The following SAMD4B variants were observed in gnomAD, a reference collection of about 807,000 sequenced individuals.
SAMD4B encodes sterile alpha motif domain containing 4B.
A neutral mutation model predicts 74.5 loss-of-function variants in SAMD4B; 5 were observed. The ratio of observed to expected loss-of-function variants is 0.07; its 90% CI spans 0.04 to 0.14. SAMD4B has a LOEUF of 0.14. Among genes scored for constraint, SAMD4B ranks in the 10% least tolerant of loss-of-function variants. SAMD4B has a pLI of 1.00. For synonymous variants in SAMD4B, 373 were observed against 374.9 expected (o/e 1.00, Z 0.06); for missense variants, 608 against 921.8 (o/e 0.66, Z 4.41).
Position 39,385,451 on chromosome 19 carries a change from G to A in SAMD4B, c.*1924G>A. The A allele has an allele frequency of 4.6e-6, 2 of 430,244 alleles. No homozygotes were observed. Among genetic ancestry groups the A allele is most frequent in the Non-Finnish European group, 8.2e-6 (2 of 243,958 alleles). 26.7% of individuals were successfully genotyped at this position (430,244 alleles called of 1,614,324 possible). On this transcript the variant is annotated 3_prime_UTR_variant, in exon 14 of 14. Coordinates refer to ENST00000610417, the MANE Select transcript of SAMD4B (RefSeq NM_001384574.2). Reference sequence around the variant, plus strand: ...CCCCCACCCCACCTGACAGCAGAGTGTGCAGGACGCAGGCGGCCCCACTCT... The same window carrying A: ...CCCCCACCCCACCTGACAGCAGAGTATGCAGGACGCAGGCGGCCCCACTCT...
In SAMD4B at chr19:39,375,702, C is replaced by G. The variant is rs540301984; in HGVS notation, c.720C>G (p.Ile240Met). 1 of 1,613,964 alleles carries G rather than the reference C, an allele frequency of 6.2e-7. No individual in the cohort carries two copies. The highest frequency in any genetic ancestry group is 8.5e-7 in the Non-Finnish European group (1 of 1,179,844). ...PSPLKRSMSL[I>M]PTSPQVPGEW... ...CACTGAAGCGCTCCATGTCACTCAT[C>G]CCTACAAGCCCCCAGGTCCCTGGTG... The change falls in exon 5 of 14, where the codon ATC becomes ATG. Residue 240 changes from isoleucine (I) to methionine (M), a missense_variant. By Grantham distance (10) the Ile-to-Met change is conservative (BLOSUM62 1). Around this residue, in one of 9 missense-constraint regions of SAMD4B, gnomAD observed 153 missense variants for 153.0 expected, o/e 1.00. Transcript: ENST00000610417. This position sits in a 1 kb window ranked among gnomAD's most constrained non-coding sequence, Gnocchi z 4.1.
rs777296039 is a variant in SAMD4B, at chr19:39,378,413, G to C, written c.1445-91G>C. On this transcript the variant is annotated intron_variant, in intron 8 of 13. Transcript: ENST00000610417. The surrounding 1 kb of genome is among the most constrained non-coding windows in gnomAD (Gnocchi z 4.4). ...GATATTCATCCAGCCTGAGTCTCCT[G>C]TTCCTTCTTGTGCACGAGCCAGCTG... 15 of 1,115,126 alleles carry C rather than the reference G, an allele frequency of 1.3e-5. No homozygotes were observed. The highest frequency in any genetic ancestry group is 2.0e-5 in the Non-Finnish European group (15 of 735,984). 69.1% of individuals were successfully genotyped at this position (1,115,126 alleles called of 1,614,324 possible).
chr19:39,380,943 G>A lies in SAMD4B; in HGVS notation c.1849-47G>A, dbSNP rs1196155087. ...ACCACCTCCACCACTCTTGGGTCTG[G>A]GCCTCTTCTGCACTCACTACTTTCT... is the stretch of plus-strand genomic sequence containing the variant. On this transcript the variant is annotated intron_variant, in intron 11 of 13. Transcript: ENST00000610417. 9.6e-6 allele frequency: 15 copies of A among 1,562,406 alleles called. 1 individual carries two copies. The South Asian group carries it at 1.6e-4, about 17-fold the overall frequency.
chr19:39,388,249 G>A (rs568689838), downstream of SAMD4B: 176 of 1,292,508 alleles, frequency 1.4e-4, no homozygotes, highest in African/African-American at 2.4e-3. Flanking sequence ...CAAATTCTTA[G>A]GTACAAATGA....
At chr19:39,390,755 T>C in the SAMD4B span, 2 of 1,507,696 alleles carry the variant, frequency 1.3e-6, no homozygotes, top group East Asian at 2.4e-5. Context: ...GCTGGTGACG[T>C]TGTTCAGCAG....
intron 1 of SAMD4B, among the ~76,000 whole-genome samples, chr19:39,352,673 C>G (rs942232883): frequency 2.6e-5 from 4 of 151,606 alleles, no homozygotes; most frequent in African/African-American, 2.4e-5. Flanking sequence ...TGTTTGAGAC[C>G]CTATTATGTC....
Position 39,383,862 on chromosome 19 carries a change from C to A in SAMD4B, c.*335C>A. The A allele has an allele frequency of 1.4e-6, 1 of 714,970 alleles. No homozygotes were observed. The highest frequency in any genetic ancestry group is 2.3e-6 in the Non-Finnish European group (1 of 433,624). 44.3% of individuals were successfully genotyped at this position (714,970 alleles called of 1,614,324 possible). On this transcript the variant is annotated 3_prime_UTR_variant, in exon 14 of 14. Transcript: ENST00000610417. This position sits in a 1 kb window ranked among gnomAD's most constrained non-coding sequence, Gnocchi z 4.1. The stretch of plus-strand genomic sequence containing the variant: ...CCTCCTCCAGACCGCTGACCACCTG[C>A]CTCTCCCCAAGGGAGCAGACTCCCC...
intron 10 of SAMD4B, 147 bp downstream of exon 10, chr19:39,380,231 A>G (rs1353060498): frequency 6.1e-6 from 4 of 656,914 alleles, no homozygotes; most frequent in South Asian, 1.9e-5. Flanking sequence ...AATTTCCACT[A>G]GAATAGGATG....
At chr19:39,386,619 G>C (rs2078256517), downstream of SAMD4B, 1 of 1,608,364 alleles carries the variant, frequency 6.2e-7, no homozygotes, top group Non-Finnish European at 8.5e-7. This position sits in a 1 kb window ranked among gnomAD's most constrained non-coding sequence, Gnocchi z 6.1. Flanking sequence ...TGTTCTGCTG[G>C]GTTTTTGTCC....
At chr19:39,389,043 G>T, downstream of SAMD4B, 1 of 1,613,370 alleles carries the variant, frequency 6.2e-7, no homozygotes. This position sits in a 1 kb window ranked among gnomAD's most constrained non-coding sequence, Gnocchi z 5.3. Flanking sequence ...AGGTGAGGAG[G>T]AGCTCTGCAG....
rs1459468234 is a variant in SAMD4B at position 39,385,513 on chromosome 19, C to T, written c.*1986C>T. On this transcript the variant is annotated 3_prime_UTR_variant, in exon 14 of 14. Transcript: ENST00000610417. ...CCCTGACCCTCTCCCGCTCCAGCCCCCTCCCCAGGCCCTCCTCCATGATTT... is the reference window on the plus strand; with the variant it reads ...CCCTGACCCTCTCCCGCTCCAGCCCTCTCCCCAGGCCCTCCTCCATGATTT... The T allele has an allele frequency of 8.5e-6, 4 of 468,094 alleles. No homozygotes were observed. The highest frequency in any genetic ancestry group is 6.0e-5 in the African/African-American group (3 of 50,096). The allele number at this position is 468,094 out of a possible 1,614,324, so 29.0% of individuals were successfully genotyped here. A position where few individuals can be genotyped will look rare whatever the true frequency, so the allele number is the denominator to read the frequency against.
At position 39,354,055 on chromosome 19, in the gene SAMD4B, T is replaced by A. The variant is rs1264162331; in HGVS notation, c.-217T>A. The A allele has an allele frequency of 6.6e-6, 1 of 152,166 alleles. No homozygotes were observed. Among genetic ancestry groups the A allele is most frequent in the African/African-American group, 2.4e-5 (1 of 41,422 alleles). The allele number at this position is 152,166 out of a possible 1,614,324, so 9.4% of individuals were successfully genotyped here. ...GGCAGCCACTACCAATCGATTGGAG[T>A]TAGCCTGTGAGGTAAAACCTATTTG... On this transcript the variant is annotated 5_prime_UTR_variant, in exon 2 of 14. Coordinates refer to ENST00000610417, the MANE Select transcript of SAMD4B (RefSeq NM_001384574.2).
chr19:39,380,121 ATAG>A (rs769758840), intron 10 of SAMD4B, 37 bp downstream of exon 10: 8 of 1,510,656 alleles, frequency 5.3e-6, no homozygotes, highest in Non-Finnish European at 7.3e-6. Flanking sequence ...CCTGCCCTCC[ATAG>A]GCCTTTGCTG....
intron 4 of SAMD4B, among the ~76,000 whole-genome samples, chr19:39,373,856 CAG>C (rs537540893): frequency 3.5e-4 from 53 of 152,170 alleles, no homozygotes; most frequent in African/African-American, 1.2e-3. Flanking sequence ...GCCAGCTACT[CAG>C]GAGGCTGAGG....
intron 4 of SAMD4B, among the ~76,000 whole-genome samples, chr19:39,371,860 C>T (rs1327930860): frequency 1.3e-5 from 2 of 151,604 alleles, no homozygotes; most frequent in Non-Finnish European, 2.9e-5. Context: ...TTAGTCTTTA[C>T]TAGGAGCTAT....
chr19:39,366,214 A>G (rs1456271307), intron 3 of SAMD4B, among the ~76,000 whole-genome samples: 4 of 152,118 alleles, frequency 2.6e-5, no homozygotes, highest in Non-Finnish European at 4.4e-5. Context: ...TACTCAGGAG[A>G]CTGAGGCAGG....
chr19:39,370,201 C>A, intron 4 of SAMD4B, 76 bp downstream of exon 4: 1 of 1,377,366 alleles, frequency 7.3e-7, no homozygotes, highest in Non-Finnish European at 1.0e-6. Flanking sequence ...AGCTCTCTCG[C>A]TCTGTGGCAT....
At chr19:39,344,064 TCCAAGA>T (rs1005404712) in intron 1 of SAMD4B, among the ~76,000 whole-genome samples, 1 of 129,160 alleles carries the variant, frequency 7.7e-6, no homozygotes, top group African/African-American at 2.8e-5. Flanking sequence ...TTGAAATCCC[TCCAAGA>T]CCTTCCTGAC....
In SAMD4B at chr19:39,369,270, TGTGGCCCCAGTATG is replaced by T. The variant is rs2077151836; in HGVS notation, c.197-381_197-368del. 5 of 277,276 alleles carry T rather than the reference TGTGGCCCCAGTATG, an allele frequency of 1.8e-5. 1 individual carries two copies. The highest frequency in any genetic ancestry group is 1.5e-4 in the South Asian group (4 of 26,344). 17.2% of individuals were successfully genotyped at this position (277,276 alleles called of 1,614,324 possible). A position where few individuals can be genotyped will look rare whatever the true frequency, so the allele number is the denominator to read the frequency against. On this transcript the variant is annotated intron_variant, in intron 3 of 13. Transcript: ENST00000610417. ...ATGCTGATTGGGTGTCTGCACTAAG[TGTGGCCCCAGTATG>T]GTGACCTCCTAGGAGTGGGGGACCA...
Sources: gnomAD v4.1 joint callset for allele counts (sites outside exome capture counted in the v4.1 genomes callset) on GRCh38, gnomAD v4.1.1 for gene constraint, gnomAD v4.1.1 regional missense constraint, Gnocchi (gnomAD v3.1) non-coding constraint, MANE v1.5 for transcripts, NCBI Gene and HGNC (gene_info 2026-07-23, HGNC 2026-07-21) for gene names.